The following AKAP6 variants were observed in gnomAD, a reference collection of about 807,000 sequenced individuals.
The protein encoded by AKAP6 is A-kinase anchoring protein 6, also known as A-kinase anchor protein 6.
A neutral mutation model predicts 188.5 loss-of-function variants in AKAP6; 58 were observed. The ratio of observed to expected loss-of-function variants is 0.31; its 90% CI spans 0.25 to 0.38. The LOEUF is 0.38. Among genes scored for constraint, AKAP6 ranks in the 10% least tolerant of loss-of-function variants. The pLI is 1.00. For synonymous variants in AKAP6, 989 were observed against 998.6 expected, an observed-to-expected ratio of 0.99 and a Z score of 0.18; for missense variants, 2,710 against 2,740.0, an observed-to-expected ratio of 0.99 and a Z score of 0.24.
intron 1 of AKAP6, among the ~76,000 whole-genome samples, chr14:32,379,437 TGAGA>T (rs1176059710): frequency 1.3e-5 from 2 of 152,210 alleles, no homozygotes; most frequent in African/African-American, 4.8e-5. Flanking sequence ...CCAGGAAGCC[TGAGA>T]TAGATGTATA....
chr14:32,478,419 GGAGTCAA>G (rs1393321867), intron 2 of AKAP6, among the ~76,000 whole-genome samples: 1 of 152,184 alleles, frequency 6.6e-6, no homozygotes, highest in African/African-American at 2.4e-5. Context: ...AGCTCCAACT[GGAGTCAA>G]GATGTGAAGC....
Position 32,546,546 on chromosome 14 carries a change from A to C in AKAP6, c.1893A>C (p.Leu631=). 1 of 1,614,184 alleles carries C rather than the reference A, an allele frequency of 6.2e-7. No individual in the cohort carries two copies. Among genetic ancestry groups the C allele is most frequent in the Non-Finnish European group, 8.5e-7 (1 of 1,180,032 alleles). The change falls in exon 4 of 14, where the codon CTA becomes CTC. Residue 631 remains leucine, a synonymous_variant. Coordinates refer to ENST00000280979, the MANE Select transcript of AKAP6 (RefSeq NM_004274.5). ...VEAWYGSDEY[L]ALPSHLKQTE... is the part of the protein sequence containing the mutation. ...CCTGGTATGGCTCTGATGAATACCT[A>C]GCACTGCCCTCTCACCTTAAGCAGA...
chr14:32,341,010 A>G (rs1886871489), intron 1 of AKAP6, among the ~76,000 whole-genome samples: 3 of 152,210 alleles, frequency 2.0e-5, no homozygotes. Flanking sequence ...CATTCAGACA[A>G]TAGTATTTAT....
At chr14:32,650,359 T>C (rs184147865) in intron 7 of AKAP6, among the ~76,000 whole-genome samples, 83 of 152,238 alleles carry the variant, frequency 5.5e-4, no homozygotes, top group Admixed American at 3.5e-3. Flanking sequence ...ACACCTGTAA[T>C]CCCAGCATTT....
intron 1 of AKAP6, among the ~76,000 whole-genome samples, chr14:32,405,779 CTG>C (rs1196757645): frequency 6.6e-6 from 1 of 152,118 alleles, no homozygotes; most frequent in Non-Finnish European, 1.5e-5. Flanking sequence ...TCCTGCCACC[CTG>C]TGAAGAGGTG....
At chr14:32,535,271 TG>T (rs1356178530) in intron 2 of AKAP6, among the ~76,000 whole-genome samples, 1 of 152,178 alleles carries the variant, frequency 6.6e-6, no homozygotes, top group Admixed American at 6.5e-5. Flanking sequence ...ATTGGAGAGA[TG>T]CACCTCTCAC....
chr14:32,750,732 A>T (rs34236706), intron 11 of AKAP6, among the ~76,000 whole-genome samples: 86,557 of 144,944 alleles, frequency 0.6, 29,973 homozygotes, highest in Non-Finnish European at 0.76. Context: ...CACTAAATTA[A>T]TTTTGTTTTT....
At chr14:32,677,816 C>T (rs973282555) in intron 7 of AKAP6, among the ~76,000 whole-genome samples, 3 of 152,108 alleles carry the variant, frequency 2.0e-5, no homozygotes, top group African/African-American at 7.2e-5. Flanking sequence ...GTAACACAGA[C>T]AACCAAAAAA....
At chr14:32,347,742 G>C (rs1271901947) in intron 1 of AKAP6, among the ~76,000 whole-genome samples, 1 of 152,172 alleles carries the variant, frequency 6.6e-6, no homozygotes, top group African/African-American at 2.4e-5. Flanking sequence ...CTGACCTCTT[G>C]GGATTGAGGC....
At chr14:32,757,718 G>C (rs1248777802) in intron 11 of AKAP6, among the ~76,000 whole-genome samples, 1 of 152,198 alleles carries the variant, frequency 6.6e-6, no homozygotes, top group African/African-American at 2.4e-5. Flanking sequence ...GAACACACAG[G>C]CTAAACGGAG....
chr14:32,749,242 T>C (rs2032032406), intron 11 of AKAP6, among the ~76,000 whole-genome samples: 1 of 152,214 alleles, frequency 6.6e-6, no homozygotes, highest in South Asian at 2.1e-4. Context: ...CTTTCAACGC[T>C]AGCCTTCTTG....
At chr14:32,763,662 G>A (rs2139954753) in intron 11 of AKAP6, among the ~76,000 whole-genome samples, 1 of 152,198 alleles carries the variant, frequency 6.6e-6, no homozygotes, top group East Asian at 1.9e-4. Flanking sequence ...ATAATTGAGA[G>A]CAAATGATTG....
At chr14:32,534,377 A>C (rs1169289965) in intron 2 of AKAP6, among the ~76,000 whole-genome samples, 1 of 152,178 alleles carries the variant, frequency 6.6e-6, no homozygotes, top group African/African-American at 2.4e-5. Flanking sequence ...ATGGTCTCTT[A>C]AATTGTCCAA....
rs1248046797 is a variant in AKAP6 at position 32,433,482 on chromosome 14, T to G, written c.-12T>G. ...CAGCTGTTTTGGAAAGAAGTGAGGT[T>G]TAGACTTCTCCATGTTAACCATGAG... is the stretch of plus-strand genomic sequence containing the variant. On this transcript the variant is annotated 5_prime_UTR_variant, in exon 2 of 14. Transcript: ENST00000280979. 6.2e-7 allele frequency: 1 copy of G among 1,611,518 alleles called. No homozygotes were observed. The highest frequency in any genetic ancestry group is 8.5e-7 in the Non-Finnish European group (1 of 1,178,088).
chr14:32,757,676 C>T (rs1305249300), intron 11 of AKAP6, among the ~76,000 whole-genome samples: 1 of 152,180 alleles, frequency 6.6e-6, no homozygotes, highest in Non-Finnish European at 1.5e-5. Context: ...ATGGTGGATA[C>T]TGTGGTGAGC....
chr14:32,645,624 G>A (rs1887956393), intron 7 of AKAP6, among the ~76,000 whole-genome samples: 1 of 152,048 alleles, frequency 6.6e-6, no homozygotes. Context: ...ATGAGTGACA[G>A]GGGAACTTAC....
intron 11 of AKAP6, among the ~76,000 whole-genome samples, chr14:32,761,560 G>C (rs2032538849): frequency 6.6e-6 from 1 of 152,138 alleles, no homozygotes; most frequent in African/African-American, 2.4e-5. Context: ...GGTTGAGCAA[G>C]TCATGAAACT....
At chr14:32,393,577 C>G (rs1224084598) in intron 1 of AKAP6, among the ~76,000 whole-genome samples, 1 of 152,078 alleles carries the variant, frequency 6.6e-6, no homozygotes, top group African/African-American at 2.4e-5. Flanking sequence ...TTGACAAGTA[C>G]TGTGGTTGTA....
intron 1 of AKAP6, among the ~76,000 whole-genome samples, chr14:32,360,491 G>A (rs1339017644): frequency 6.6e-6 from 1 of 152,052 alleles, no homozygotes; most frequent in Non-Finnish European, 1.5e-5. Flanking sequence ...CTTGCCTGTA[G>A]CAATCACCTG....
Sources: allele counts gnomAD v4.1 joint callset (sites outside exome capture counted in the v4.1 genomes callset), GRCh38; gene constraint gnomAD v4.1.1; transcripts MANE v1.5; gene names NCBI Gene and HGNC (gene_info 2026-07-23, HGNC 2026-07-21).